The following CDADC1 variants were observed in gnomAD, a reference collection of about 807,000 sequenced individuals.
The protein encoded by CDADC1 is dCTP deaminase.
In CDADC1, 39 loss-of-function variants were observed where a neutral mutation model predicts 54.9. The ratio of observed to expected loss-of-function variants is 0.71; its 90% confidence interval spans 0.55 to 0.93. The LOEUF is 0.93. CDADC1 is among the 40% of genes least tolerant of loss of function. The pLI is 0.00. For missense variants in CDADC1, 518 were observed against 618.8 expected, an observed-to-expected ratio of 0.84 and a Z score of 1.73; for synonymous variants, 186 against 204.0, an observed-to-expected ratio of 0.91 and a Z score of 0.75.
Position 49,278,509 on chromosome 13 carries a change from T to C in CDADC1, c.1210T>C (p.Leu404=), listed in dbSNP as rs950872932. Residue 404 remains leucine, a synonymous_variant, in exon 7 of 10, where the codon TTG becomes CTG. Transcript: ENST00000251108. ...RYIIHAEQNA[L]TFRCQEIKPE... ...CATCATACATGCGGAACAGAATGCC[T>C]TGACATTTAGGTATGAAATCCTTCT... is the stretch of plus-strand genomic sequence containing the variant. The C allele has an allele frequency of 6.5e-7, 1 of 1,530,258 alleles. No individual in the cohort carries two copies. Among genetic ancestry groups the C allele is most frequent in the Non-Finnish European group, 8.9e-7 (1 of 1,122,478 alleles). 94.8% of individuals were successfully genotyped at this position (1,530,258 alleles called of 1,614,324 possible). A position where few individuals can be genotyped will look rare whatever the true frequency, so the allele number is the denominator to read the frequency against.
At chr13:49,284,679 G>A (rs1011026673) in intron 8 of CDADC1, among the ~76,000 whole-genome samples, 23 of 152,110 alleles carry the variant, frequency 1.5e-4, no homozygotes, top group African/African-American at 3.4e-4. Context: ...CATCCCATTC[G>A]TTTAAATAAC....
intron 7 of CDADC1, 47 bp from the exon 8 acceptor site, chr13:49,280,462 A>G (rs1953287246): frequency 1.0e-6 from 1 of 989,550 alleles, no homozygotes; most frequent in East Asian, 2.8e-5. Context: ...AAAATAACTT[A>G]CCCTTTCAGA....
chr13:49,267,449 A>G (rs1291146192), intron 4 of CDADC1, 41 bp from the exon 5 acceptor site: 3 of 1,488,464 alleles, frequency 2.0e-6, no homozygotes, highest in Non-Finnish European at 1.8e-6. Context: ...CCCTAAATTC[A>G]GCATGTATCT....
rs188396396 is a variant in CDADC1, at chr13:49,292,060, C to G, written c.*303C>G. The G allele has an allele frequency of 9.0e-7, 1 of 1,110,264 alleles. No homozygotes were observed. Among genetic ancestry groups the G allele is most frequent in the Non-Finnish European group, 1.1e-6 (1 of 906,422 alleles). 68.8% of individuals were successfully genotyped at this position (1,110,264 alleles called of 1,614,324 possible). A position where few individuals can be genotyped will look rare whatever the true frequency, so the allele number is the denominator to read the frequency against. Reference sequence around the variant, plus strand: ...CTATTTATCTTGACTTTATATTAGCCAATTTGAAAGGGTCTGCTTCACAAG... The same window carrying G: ...CTATTTATCTTGACTTTATATTAGCGAATTTGAAAGGGTCTGCTTCACAAG... On this transcript the variant is annotated 3_prime_UTR_variant, in exon 10 of 10. Coordinates refer to ENST00000251108, the MANE Select transcript of CDADC1 (RefSeq NM_030911.4).
chr13:49,254,899 ACTTT>A (rs1004084756), intron 2 of CDADC1, among the ~76,000 whole-genome samples: 4 of 152,148 alleles, frequency 2.6e-5, no homozygotes, highest in African/African-American at 9.7e-5. Flanking sequence ...CTGCCTCAAA[ACTTT>A]CTTTCTACTT....
intron 6 of CDADC1, among the ~76,000 whole-genome samples, chr13:49,276,456 A>G (rs2138244523): frequency 6.6e-6 from 1 of 152,320 alleles, no homozygotes; most frequent in East Asian, 1.9e-4. Context: ...GTGAGCCTAC[A>G]TTTTGCCTCA....
At chr13:49,259,200 A>G in intron 3 of CDADC1, 146 bp from the exon 4 acceptor site, 1 of 597,418 alleles carries the variant, frequency 1.7e-6, no homozygotes, top group South Asian at 4.6e-5. Context: ...AGCTTTTTGG[A>G]TCTAATGAGA....
chr13:49,259,843 T>C (rs557381679), intron 4 of CDADC1, among the ~76,000 whole-genome samples: 19 of 151,108 alleles, frequency 1.3e-4, no homozygotes, highest in African/African-American at 4.6e-4. Flanking sequence ...CAAGACCTTG[T>C]CTCCAGAAAA....
chr13:49,282,007 G>A (rs949272974), intron 8 of CDADC1, among the ~76,000 whole-genome samples: 9 of 144,794 alleles, frequency 6.2e-5, no homozygotes, highest in Non-Finnish European at 1.2e-4. Context: ...TAATAGAGAC[G>A]GGGTTTCACC....
At chr13:49,248,672 TA>T (rs1279826277) in intron 1 of CDADC1, among the ~76,000 whole-genome samples, 198 bp from the exon 2 acceptor site, 1 of 152,194 alleles carries the variant, frequency 6.6e-6, no homozygotes, top group African/African-American at 2.4e-5. Flanking sequence ...CTCAACTTTT[TA>T]AGTGGAGAAG....
chr13:49,280,806 A>ATTATTT (rs1443489869), intron 8 of CDADC1, 108 bp downstream of exon 8: 28 of 108,294 alleles, frequency 2.6e-4, no homozygotes, highest in Non-Finnish European at 4.5e-5. Context: ...GTTTCAACAA[A>ATTATTT]TTATTATTAT....
chr13:49,265,826 G>T, intron 4 of CDADC1: 3 of 1,277,890 alleles, frequency 2.3e-6, no homozygotes, highest in Non-Finnish European at 2.1e-6. Flanking sequence ...TTTAGCATTT[G>T]CCACTAATAC....
chr13:49,249,206 G>A (rs1765914209), intron 2 of CDADC1, among the ~76,000 whole-genome samples: 1 of 152,090 alleles, frequency 6.6e-6, no homozygotes, highest in African/African-American at 2.4e-5. Flanking sequence ...TGTCAGTTCG[G>A]CTAATAAGAT....
intron 5 of CDADC1, 26 bp from the exon 6 acceptor site, chr13:49,274,265 T>C (rs1953041245): frequency 6.4e-7 from 1 of 1,558,108 alleles, no homozygotes; most frequent in Non-Finnish European, 8.7e-7. Context: ...TAATTTTTAC[T>C]GAGTTAAATG....
At position 49,249,509 on chromosome 13, in the gene CDADC1, G is replaced by C. The variant is rs534566144; in HGVS notation, c.177+544G>C. ...AGCACTTTGTGAGGCTGAGGTGGGT[G>C]GATCACCTGAGGTCAGGAGTTCAAA... On this transcript the variant is annotated intron_variant, in intron 2 of 9. Coordinates refer to ENST00000251108, the MANE Select transcript of CDADC1 (RefSeq NM_030911.4). Among the ~76,000 whole-genome samples, 5 of 152,244 alleles carry C rather than the reference G, an allele frequency of 3.3e-5. No individual in the cohort carries two copies. In the South Asian group the frequency reaches 1.0e-3, roughly 32 times the overall value.
intron 4 of CDADC1, among the ~76,000 whole-genome samples, chr13:49,264,204 A>G (rs777346859): frequency 3.9e-5 from 6 of 152,188 alleles, no homozygotes; most frequent in Non-Finnish European, 7.3e-5. Context: ...TTTTGGCAAT[A>G]ACGTAATTCA....
chr13:49,261,159 G>T (rs1051884914), intron 4 of CDADC1, among the ~76,000 whole-genome samples: 2 of 152,186 alleles, frequency 1.3e-5, no homozygotes, highest in Non-Finnish European at 2.9e-5. Flanking sequence ...TTGTGAGAAA[G>T]AGCTATTTTT....
chr13:49,263,766 G>C (rs1226597168), intron 4 of CDADC1, among the ~76,000 whole-genome samples: 1 of 151,846 alleles, frequency 6.6e-6, no homozygotes, highest in South Asian at 2.1e-4. Flanking sequence ...TTTTTACAAA[G>C]CAAGTTACTT....
intron 3 of CDADC1, among the ~76,000 whole-genome samples, chr13:49,257,726 C>T (rs1295289879): frequency 6.6e-6 from 1 of 152,200 alleles, no homozygotes; most frequent in Non-Finnish European, 1.5e-5. Flanking sequence ...AGTGCCACTG[C>T]ACTCCAGCCT....
Sources: gnomAD v4.1 joint callset for allele counts (sites outside exome capture counted in the v4.1 genomes callset) on GRCh38, gnomAD v4.1.1 for gene constraint, MANE v1.5 for transcripts, NCBI Gene and HGNC (gene_info 2026-07-23, HGNC 2026-07-21) for gene names.